The following MAPKAPK2 variants were observed in gnomAD, a reference collection of about 807,000 sequenced individuals.
MAPKAPK2 encodes the protein MAPK activated protein kinase 2.
In MAPKAPK2, 9 loss-of-function variants were observed where a neutral mutation model predicts 48.8. The ratio of observed to expected loss-of-function variants is 0.18; its 90% CI spans 0.11 to 0.32. The LOEUF is 0.32. Among genes scored for constraint, MAPKAPK2 ranks in the 10% least tolerant of loss-of-function variants. MAPKAPK2 has a pLI of 1.00. For synonymous variants in MAPKAPK2, 202 were observed against 190.6 expected (o/e 1.06, Z -0.49); for missense variants, 331 against 498.3 (o/e 0.66, Z 3.20).
At position 206,703,652 on chromosome 1, in the gene MAPKAPK2, G is replaced by A. The variant is rs150464139; in HGVS notation, c.279+18144G>A. 7.9e-5 allele frequency among the ~76,000 whole-genome samples: 12 copies of A among 152,292 alleles called. No individual in the cohort carries two copies. The East Asian group carries it at 1.5e-3, about 20-fold the overall frequency. ...GATGCAGCACACACTTGTATTCAGC[G>A]ATAGAGACTTTTCCGTAATGCCTGG... On this transcript the variant is annotated intron_variant, in intron 1 of 9. Transcript: ENST00000367103.
At position 206,729,818 on chromosome 1, in the gene MAPKAPK2, A is replaced by G. The variant is rs1294913352; in HGVS notation, c.565-154A>G. Among the ~76,000 whole-genome samples the G allele has an allele frequency of 2.0e-5, 3 of 152,242 alleles. No individual in the cohort carries two copies. In the East Asian group the frequency reaches 5.8e-4, roughly 29 times the overall value. On this transcript the variant is annotated intron_variant, in intron 4 of 9. Transcript: ENST00000367103. ...ACCCTGCAGAGGCAGGCACCTGCCCATAGAGAGCTGCCACTCCTCGTGGTG... is the reference window on the plus strand; with the variant it reads ...ACCCTGCAGAGGCAGGCACCTGCCCGTAGAGAGCTGCCACTCCTCGTGGTG...
chr1:206,686,168 C>T (rs1218325727), intron 1 of MAPKAPK2, among the ~76,000 whole-genome samples: 2 of 151,872 alleles, frequency 1.3e-5, no homozygotes, highest in African/African-American at 4.8e-5. Context: ...CTCCCACGCC[C>T]GCGCGGGGCG....
At chr1:206,718,190 T>A (rs1192393713) in intron 1 of MAPKAPK2, among the ~76,000 whole-genome samples, 12 of 152,232 alleles carry the variant, frequency 7.9e-5, no homozygotes, top group African/African-American at 2.9e-4. Context: ...TCTTTATGAA[T>A]ATACTTTAAA....
Position 206,731,491 on chromosome 1 carries a change from A to G in MAPKAPK2, c.893-149A>G. 1.9e-6 allele frequency: 2 copies of G among 1,069,000 alleles called. No homozygotes were observed. The highest frequency in any genetic ancestry group is 2.8e-6 in the Non-Finnish European group (2 of 715,210). The allele number at this position is 1,069,000 out of a possible 1,614,324, so 66.2% of individuals were successfully genotyped here. Reference sequence around the variant, plus strand: ...CTGTGCAGGGCCTCTCAAGTGGTACAGCCGTAATGGTCCTTGGGGCCAGTT... The same window carrying G: ...CTGTGCAGGGCCTCTCAAGTGGTACGGCCGTAATGGTCCTTGGGGCCAGTT... On this transcript the variant is annotated intron_variant, in intron 7 of 9. Coordinates refer to ENST00000367103, the MANE Select transcript of MAPKAPK2 (RefSeq NM_032960.4). The surrounding 1 kb of genome is among the most constrained non-coding windows in gnomAD (Gnocchi z 5.9).
At chr1:206,711,151 A>G (rs1673128266) in intron 1 of MAPKAPK2, among the ~76,000 whole-genome samples, 1 of 152,256 alleles carries the variant, frequency 6.6e-6, no homozygotes, top group Non-Finnish European at 1.5e-5. Context: ...GCACACATGC[A>G]CACACCATGC....
chr1:206,731,082 A>T lies in MAPKAPK2; in HGVS notation c.768-56A>T. ...CTGTTTCTCATCCTGTTCCTGGTACAGGGCCACTAAGTGACAGCTGTTCTG... is the reference window on the plus strand; with the variant it reads ...CTGTTTCTCATCCTGTTCCTGGTACTGGGCCACTAAGTGACAGCTGTTCTG... On this transcript the variant is annotated intron_variant, in intron 6 of 9. Transcript: ENST00000367103. This position sits in a 1 kb window ranked among gnomAD's most constrained non-coding sequence, Gnocchi z 5.9. 5.0e-6 allele frequency: 8 copies of T among 1,610,318 alleles called. No homozygotes were observed. The highest frequency in any genetic ancestry group is 5.9e-6 in the Non-Finnish European group (7 of 1,176,546).
intron 1 of MAPKAPK2, chr1:206,695,759 TC>T (rs1672597862): frequency 1.2e-5 from 2 of 168,810 alleles, no homozygotes; most frequent in Non-Finnish European, 2.2e-5. Flanking sequence ...GCAAGGCATC[TC>T]TCTCTCTCTC....
At chr1:206,710,723 C>T (rs572051198) in intron 1 of MAPKAPK2, among the ~76,000 whole-genome samples, 22 of 152,194 alleles carry the variant, frequency 1.4e-4, no homozygotes, top group African/African-American at 4.6e-4. Context: ...TTCACAACAT[C>T]GAAAGTGCAA....
chr1:206,708,063 G>A (rs979866239), intron 1 of MAPKAPK2, among the ~76,000 whole-genome samples: 1 of 152,198 alleles, frequency 6.6e-6, no homozygotes, highest in Non-Finnish European at 1.5e-5. Context: ...CCAGAGAGGG[G>A]CAGGGACTTA....
intron 1 of MAPKAPK2, 58 bp downstream of exon 1, chr1:206,685,566 G>A: frequency 2.2e-6 from 3 of 1,348,766 alleles, no homozygotes; most frequent in Non-Finnish European, 2.9e-6. Context: ...GGAGCTCCAC[G>A]GCGTCGGGTG....
At position 206,730,696 on chromosome 1, in the gene MAPKAPK2, G is replaced by C. The variant is rs1673873505; in HGVS notation, c.700G>C (p.Val234Leu). 6.2e-7 allele frequency: 1 copy of C among 1,613,690 alleles called. No individual in the cohort carries two copies. Among genetic ancestry groups the C allele is most frequent in the Admixed American group, 1.7e-5 (1 of 59,974 alleles). ...TGACCTTTGATTTGCAGCTCCAGAA[G>C]TGCTGGGTCCAGAGAAGTATGACAA... The part of the protein sequence containing the change: ...CYTPYYVAPE[V>L]LGPEKYDKSC... The change falls in exon 6 of 10, where the codon GTG becomes CTG. Residue 234 changes from valine to leucine, a missense_variant. Physicochemically the swap from Val to Leu is conservative, Grantham distance 32. Coordinates refer to ENST00000367103, the MANE Select transcript of MAPKAPK2 (RefSeq NM_032960.4).
intron 1 of MAPKAPK2, among the ~76,000 whole-genome samples, chr1:206,712,339 A>C (rs1461988124): frequency 6.6e-6 from 1 of 152,228 alleles, no homozygotes; most frequent in Non-Finnish European, 1.5e-5. Flanking sequence ...AGGTATAAGA[A>C]GGTTAGGAAA....
intron 1 of MAPKAPK2, among the ~76,000 whole-genome samples, chr1:206,723,839 C>T (rs1673620971): frequency 6.6e-6 from 1 of 152,250 alleles, no homozygotes; most frequent in African/African-American, 2.4e-5. Context: ...CTCACTGCCG[C>T]TGTCCTAGAG....
At chr1:206,725,624 G>A (rs1673680466) in intron 1 of MAPKAPK2, among the ~76,000 whole-genome samples, 1 of 152,194 alleles carries the variant, frequency 6.6e-6, no homozygotes, top group African/African-American at 2.4e-5. Context: ...CTGTGAGGCT[G>A]TGCAAGAAGA....
chr1:206,689,698 G>T (rs1230214325), intron 1 of MAPKAPK2, among the ~76,000 whole-genome samples: 2 of 152,046 alleles, frequency 1.3e-5, no homozygotes, highest in Non-Finnish European at 2.9e-5. Flanking sequence ...TGTCCAATCT[G>T]GTAGCCACTA....
At position 206,731,189 on chromosome 1, in the gene MAPKAPK2, G is replaced by A. The variant is rs1553432604; in HGVS notation, c.819G>A (p.Pro273=). 3.1e-6 allele frequency: 5 copies of A among 1,614,144 alleles called. No homozygotes were observed. The highest frequency in any genetic ancestry group is 4.5e-5 in the East Asian group (2 of 44,884). The change falls in exon 7 of 10, where the codon CCG becomes CCA. Residue 273 remains proline, a synonymous_variant. Coordinates refer to ENST00000367103, the MANE Select transcript of MAPKAPK2 (RefSeq NM_032960.4). The surrounding 1 kb of genome is among the most constrained non-coding windows in gnomAD (Gnocchi z 5.9). The part of the protein sequence containing the change: ...FYSNHGLAIS[P]GMKTRIRMGQ... ...CCAACCACGGCCTTGCCATCTCTCCGGGCATGAAGACTCGCATCCGAATGG... is the reference window on the plus strand; with the variant it reads ...CCAACCACGGCCTTGCCATCTCTCCAGGCATGAAGACTCGCATCCGAATGG...
intron 1 of MAPKAPK2, among the ~76,000 whole-genome samples, chr1:206,690,477 G>T (rs1672424401): frequency 6.6e-6 from 1 of 152,252 alleles, no homozygotes; most frequent in South Asian, 2.1e-4. Flanking sequence ...AATATTGGTG[G>T]GTGTCTAGGA....
chr1:206,711,376 A>C (rs1553429436), intron 1 of MAPKAPK2, among the ~76,000 whole-genome samples: 2 of 152,166 alleles, frequency 1.3e-5, no homozygotes, highest in African/African-American at 4.8e-5. Context: ...TCAGCCTCCC[A>C]AGTAGCTGGT....
intron 1 of MAPKAPK2, among the ~76,000 whole-genome samples, chr1:206,686,221 T>A (rs1648090387): frequency 6.6e-6 from 1 of 152,110 alleles, no homozygotes; most frequent in African/African-American, 2.4e-5. Flanking sequence ...CGGCTGATCA[T>A]TGTGAACAGA....
Sources: allele counts gnomAD v4.1 joint callset (sites outside exome capture counted in the v4.1 genomes callset), GRCh38; gene constraint gnomAD v4.1.1; non-coding constraint Gnocchi (gnomAD v3.1); transcripts MANE v1.5; gene names NCBI Gene and HGNC (gene_info 2026-07-23, HGNC 2026-07-21).